Variants in VTA1 observed in about 807,000 individuals in gnomAD.
VTA1 encodes the protein vacuolar protein sorting-associated protein VTA1 homolog.
Under a neutral mutation model 36.9 loss-of-function variants are expected in VTA1, and 24 were observed. The observed-to-expected ratio is 0.65, with a 90% CI of 0.47 to 0.91. The LOEUF (loss-of-function observed/expected upper bound fraction) is 0.91. Among genes scored for constraint, VTA1 ranks in the 40% least tolerant of loss-of-function variants. The pLI, the probability that VTA1 is intolerant of heterozygous loss-of-function variation, is 0.00. For missense variants in VTA1, 393 were observed against 377.2 expected, an observed-to-expected ratio of 1.04 and a Z score of -0.35; for synonymous variants, 142 against 130.2, an observed-to-expected ratio of 1.09 and a Z score of -0.62.
At chr6:142,179,594 G>A (rs944781817) in intron 4 of VTA1, among the ~76,000 whole-genome samples, 1 of 151,908 alleles carries the variant, frequency 6.6e-6, no homozygotes, top group Non-Finnish European at 1.5e-5. Context: ...AAAAAGAGCC[G>A]GAAGTATACA....
intron 7 of VTA1, among the ~76,000 whole-genome samples, chr6:142,213,209 A>G (rs1019488699): frequency 6.6e-6 from 1 of 152,234 alleles, no homozygotes; most frequent in Non-Finnish European, 1.5e-5. Flanking sequence ...CAAAGGGGCT[A>G]CAGGCCCCAT....
chr6:142,148,827 GA>G, intron 1 of VTA1, among the ~76,000 whole-genome samples: 1 of 152,284 alleles, frequency 6.6e-6, no homozygotes, highest in African/African-American at 2.4e-5. Context: ...CACCATCTGG[GA>G]AAGAGTATTC....
intron 4 of VTA1, among the ~76,000 whole-genome samples, chr6:142,181,094 A>ATATATATATATAT (rs1554219841): frequency 4.7e-4 from 17 of 36,434 alleles, no homozygotes; most frequent in South Asian, 1.4e-3. Flanking sequence ...AAAAAAAAAA[A>ATATATATATATAT]ATATATATAT....
intron 6 of VTA1, among the ~76,000 whole-genome samples, chr6:142,198,952 G>A (rs763146822): frequency 1.3e-5 from 2 of 151,712 alleles, no homozygotes; most frequent in East Asian, 1.9e-4. Context: ...AGAATAGCTC[G>A]GAGGTGAGTG....
At position 142,186,217 on chromosome 6, in the gene VTA1, TG is replaced by T. The variant is rs1245349818; in HGVS notation, c.412-3207del. On this transcript the variant is annotated intron_variant, in intron 4 of 7. Coordinates refer to ENST00000367630, the MANE Select transcript of VTA1 (RefSeq NM_016485.5). ...ATAGGCAAACAGGTTGTATGGGCCATGGCATGTGTAGTAACAGAAAAAAATG... is the reference window on the plus strand; with the variant it reads ...ATAGGCAAACAGGTTGTATGGGCCATGCATGTGTAGTAACAGAAAAAAATG... 3.9e-5 allele frequency among the ~76,000 whole-genome samples: 6 copies of T among 151,998 alleles called. No individual in the cohort carries two copies. In the East Asian group the frequency reaches 1.2e-3, roughly 29 times the overall value.
intron 1 of VTA1, among the ~76,000 whole-genome samples, chr6:142,161,604 A>T (rs1774810777): frequency 6.6e-6 from 1 of 152,194 alleles, no homozygotes. Context: ...ATTCATAAAG[A>T]TAAACACATT....
At chr6:142,191,867 A>T (rs1775462319) in intron 5 of VTA1, among the ~76,000 whole-genome samples, 1 of 152,030 alleles carries the variant, frequency 6.6e-6, no homozygotes, top group East Asian at 1.9e-4. Context: ...TTGAGTGTAG[A>T]ATTATATTCT....
Position 142,224,367 on chromosome 6 carries a change from A to G in VTA1, c.*5724A>G, listed in dbSNP as rs935323252. 4 of 152,206 alleles carry G rather than the reference A, an allele frequency of 2.6e-5. No individual in the cohort carries two copies. Among genetic ancestry groups the G allele is most frequent in the Non-Finnish European group, 5.9e-5 (4 of 68,044 alleles). The allele number at this position is 152,206 out of a possible 1,614,324, so 9.4% of individuals were successfully genotyped here. A position where few individuals can be genotyped will look rare whatever the true frequency, so the allele number is the denominator to read the frequency against. Reference sequence around the variant, plus strand: ...CTCTGAGACGGGACAAGGACACTGGACGGTCTATTGTGCCATGCTTATATA... The same window carrying G: ...CTCTGAGACGGGACAAGGACACTGGGCGGTCTATTGTGCCATGCTTATATA... On this transcript the variant is annotated 3_prime_UTR_variant, in exon 8 of 8. Transcript: ENST00000367630.
At chr6:142,207,498 A>G (rs1282723941) in intron 7 of VTA1, among the ~76,000 whole-genome samples, 1 of 152,020 alleles carries the variant, frequency 6.6e-6, no homozygotes, top group Non-Finnish European at 1.5e-5. Flanking sequence ...GTAGGCACAA[A>G]CCCCTACCTA....
At chr6:142,161,689 G>A (rs369225591) in intron 1 of VTA1, among the ~76,000 whole-genome samples, 21 of 152,092 alleles carry the variant, frequency 1.4e-4, no homozygotes, top group African/African-American at 2.2e-4. Context: ...TGTTTTTGTA[G>A]GTATTTTCCA....
chr6:142,153,906 A>G (rs1778614185), intron 1 of VTA1, among the ~76,000 whole-genome samples: 1 of 152,080 alleles, frequency 6.6e-6, no homozygotes, highest in Non-Finnish European at 1.5e-5. Context: ...TGTACCCTTT[A>G]CCCAATGTCC....
intron 1 of VTA1, among the ~76,000 whole-genome samples, chr6:142,164,908 T>TAATA (rs1474390535): frequency 1.3e-5 from 2 of 152,176 alleles, no homozygotes; most frequent in Non-Finnish European, 2.9e-5. Flanking sequence ...CCAAATAGAC[T>TAATA]AATATCCCTG....
At chr6:142,215,253 A>G (rs918238184) in intron 7 of VTA1, among the ~76,000 whole-genome samples, 1 of 152,078 alleles carries the variant, frequency 6.6e-6, no homozygotes, top group Non-Finnish European at 1.5e-5. Flanking sequence ...CTTGGCTAAC[A>G]CGGTGAAACC....
chr6:142,198,757 T>A, intron 6 of VTA1, 142 bp downstream of exon 6: 1 of 740,284 alleles, frequency 1.4e-6, no homozygotes, highest in Non-Finnish European at 2.0e-6. Context: ...CAAGAAACAT[T>A]AAATTATTTT....
In VTA1 at chr6:142,176,366, C is replaced by A. The variant is rs1775125920; in HGVS notation, c.411+5945C>A. Among the ~76,000 whole-genome samples the A allele has an allele frequency of 3.3e-5, 5 of 152,084 alleles. No individual in the cohort carries two copies. In the South Asian group the frequency reaches 6.2e-4, roughly 19 times the overall value. ...GCCCTCGTTGAGCTTATGTTCTAAC[C>A]TGGAAAGAGAAACAGAATAACTCTA... On this transcript the variant is annotated intron_variant, in intron 4 of 7. Coordinates refer to ENST00000367630, the MANE Select transcript of VTA1 (RefSeq NM_016485.5).
chr6:142,191,797 C>T (rs1775460942), intron 5 of VTA1, among the ~76,000 whole-genome samples: 1 of 151,988 alleles, frequency 6.6e-6, no homozygotes, highest in African/African-American at 2.4e-5. Context: ...GATATAATGT[C>T]ATTAAATCTG....
At chr6:142,170,012 T>C (rs2114645624) in intron 3 of VTA1, among the ~76,000 whole-genome samples, 1 of 152,246 alleles carries the variant, frequency 6.6e-6, no homozygotes, top group East Asian at 1.9e-4. Context: ...CCCCAATCAA[T>C]TCAAATGATT....
At chr6:142,168,867 T>C (rs946274252) in intron 2 of VTA1, among the ~76,000 whole-genome samples, 4 of 151,386 alleles carry the variant, frequency 2.6e-5, no homozygotes, top group Non-Finnish European at 5.9e-5. Context: ...CCCAGGTTCA[T>C]GCCATTCTCC....
chr6:142,155,229 T>C (rs1295229496), intron 1 of VTA1, among the ~76,000 whole-genome samples: 1 of 152,170 alleles, frequency 6.6e-6, no homozygotes, highest in Non-Finnish European at 1.5e-5. Flanking sequence ...CTTGCTGACA[T>C]GGCTGTGTGA....
Sources: allele counts gnomAD v4.1 joint callset (sites outside exome capture counted in the v4.1 genomes callset), GRCh38; gene constraint gnomAD v4.1.1; transcripts MANE v1.5; gene names NCBI Gene and HGNC (gene_info 2026-07-23, HGNC 2026-07-21).